CHRNE: variants seen among roughly 807,000 people sequenced by gnomAD.
The protein encoded by CHRNE is cholinergic receptor nicotinic epsilon subunit.
A neutral mutation model predicts 56.5 loss-of-function variants in CHRNE; 58 were observed. The ratio of observed to expected loss-of-function variants is 1.03; its 90% CI spans 0.83 to 1.28. The LOEUF is 1.28. Ranked by LOEUF, CHRNE falls within the 50% of genes most tolerant of loss-of-function variation. The pLI is 0.00. For synonymous variants in CHRNE, 385 were observed against 297.9 expected (o/e 1.29, Z -3.01); for missense variants, 793 against 688.9 (o/e 1.15, Z -1.69).
At chr17:4,903,870 T>TAAA (rs1567640884), upstream of CHRNE, among the ~76,000 whole-genome samples, 4 of 151,596 alleles carry the variant, frequency 2.6e-5, no homozygotes, top group African/African-American at 9.7e-5. Context: ...TAAAAAAAAT[T>TAAA]TTTTTGAGAC....
chr17:4,908,432 C>T (rs1047526527), intron 1 of CHRNE, among the ~76,000 whole-genome samples: 7 of 152,166 alleles, frequency 4.6e-5, no homozygotes, highest in African/African-American at 1.7e-4. Context: ...CTTCCCACAT[C>T]ACAGCAGTGC....
In CHRNE at chr17:4,902,527, G is replaced by A; in HGVS notation, c.190-33C>T. On this transcript the variant is annotated intron_variant, in intron 2 of 11. Coordinates refer to ENST00000649488, the MANE Select transcript of CHRNE (RefSeq NM_000080.4). The surrounding 1 kb of genome is among the most constrained non-coding windows in gnomAD (Gnocchi z 4.0). ...TGGGAGATGGGGATGATTGAAGTGA[G>A]ATTTCAGGGCCAGAAGTGAGCTTTA... 6.2e-7 allele frequency: 1 copy of A among 1,614,196 alleles called. No individual in the cohort carries two copies. The highest frequency in any genetic ancestry group is 8.5e-7 in the Non-Finnish European group (1 of 1,180,036).
upstream of CHRNE, among the ~76,000 whole-genome samples, chr17:4,906,258 G>A (rs556424784): frequency 4.9e-4 from 74 of 152,230 alleles, no homozygotes; most frequent in South Asian, 4.6e-3. Context: ...GATAGTGGGT[G>A]TGGCAGGCCC....
chr17:4,899,887 G>A (rs766311064), intron 8 of CHRNE: 43 of 1,548,394 alleles, frequency 2.8e-5, no homozygotes, highest in East Asian at 2.7e-4. Flanking sequence ...TCTCCTGTTC[G>A]CCCCTGTGAC....
In CHRNE at chr17:4,902,065, C is replaced by G. The variant is rs1488395588; in HGVS notation, c.367G>C (p.Ala123Pro). Residue 123 changes from alanine (A) to proline (P), a missense_variant, in exon 5 of 12, where the codon GCC becomes CCC. By Grantham distance (27) the Ala-to-Pro change is conservative. Transcript: ENST00000649488. The surrounding 1 kb of genome is among the most constrained non-coding windows in gnomAD (Gnocchi z 4.0). ...TAGACGAGCACGTTGGCGTCGTAGG[C>G]CACTCCGAACTGGCCATCAATACTG... is the stretch of plus-strand genomic sequence containing the variant. ...ENNIDGQFGV[A>P]YDANVLVYEG... 1 of 1,614,080 alleles carries G rather than the reference C, an allele frequency of 6.2e-7. No individual in the cohort carries two copies. The highest frequency in any genetic ancestry group is 8.5e-7 in the Non-Finnish European group (1 of 1,180,038).
Position 4,898,660 on chromosome 17 carries a change from G to A in CHRNE, c.*76C>T. On this transcript the variant is annotated 3_prime_UTR_variant, in exon 12 of 12. Coordinates refer to ENST00000649488, the MANE Select transcript of CHRNE (RefSeq NM_000080.4). ...ATCAGCAGGGGGAAGGGATCATAAT[G>A]CCGTGGTGGCGGCAGCCTACTTTTT... 1 of 1,527,878 alleles carries A rather than the reference G, an allele frequency of 6.5e-7. No individual in the cohort carries two copies. The allele number at this position is 1,527,878 out of a possible 1,614,324, so 94.6% of individuals were successfully genotyped here. A position where few individuals can be genotyped will look rare whatever the true frequency, so the allele number is the denominator to read the frequency against.
At chr17:4,901,872 CCGCCCCATAAGG>C in intron 5 of CHRNE, 48 bp downstream of exon 5, 1 of 1,424,862 alleles carries the variant, frequency 7.0e-7, no homozygotes, top group Non-Finnish European at 9.9e-7. Context: ...CCGGTTGGCC[CCGCCCCATAAGG>C]CCCCCCCCCA....
upstream of CHRNE, among the ~76,000 whole-genome samples, chr17:4,904,275 C>A (rs574429078): frequency 6.6e-6 from 1 of 151,802 alleles, no homozygotes; most frequent in Non-Finnish European, 1.5e-5. Context: ...TAGTTCACTG[C>A]GGCTCTCAAA....
upstream of CHRNE, among the ~76,000 whole-genome samples, chr17:4,907,781 C>T (rs1003922230): frequency 6.6e-6 from 1 of 152,132 alleles, no homozygotes; most frequent in African/African-American, 2.4e-5. Flanking sequence ...GTGGCTCGTG[C>T]CTGTAATCCC....
chr17:4,901,977 A>T lies in CHRNE; in HGVS notation c.455T>A (p.Val152Asp), dbSNP rs142901746. 3.0e-5 allele frequency: 48 copies of T among 1,610,772 alleles called. No homozygotes were observed. The African/African-American group carries it at 5.4e-4, about 18-fold the overall frequency. Residue 152 changes from valine to aspartate, a missense_variant, in exon 5 of 12, where the codon GTC becomes GAC. Transcript: ENST00000649488. ...CTGCCAATCGAAGGGGAAGTAGGTG[A>T]CCTCCACTGCGCAGACGCTGCGGTA... ...AIYRSVCAVE[V>D]TYFPFDWQNC...
In CHRNE at chr17:4,902,140, T is replaced by TA; in HGVS notation, c.345-54dup. 1.9e-6 allele frequency: 3 copies of TA among 1,612,800 alleles called. No individual in the cohort carries two copies. The highest frequency in any genetic ancestry group is 2.5e-6 in the Non-Finnish European group (3 of 1,179,546). On this transcript the variant is annotated intron_variant, in intron 4 of 11. Coordinates refer to ENST00000649488, the MANE Select transcript of CHRNE (RefSeq NM_000080.4). The surrounding 1 kb of genome is among the most constrained non-coding windows in gnomAD (Gnocchi z 4.0). ...TGCACAGGTCTGCACCCTCTCAGAG[T>TA]ACCCCCTTCCCCAACCAAGTCCAGC... is the stretch of plus-strand genomic sequence containing the variant.
upstream of CHRNE, among the ~76,000 whole-genome samples, chr17:4,906,638 A>G (rs1312113461): frequency 6.6e-6 from 1 of 152,246 alleles, no homozygotes; most frequent in Non-Finnish European, 1.5e-5. Context: ...GAATTGCTTG[A>G]GCCTGGGAGT....
Position 4,899,109 on chromosome 17 carries a change from T to G in CHRNE, c.1220-2A>C, listed in dbSNP as rs1309292778. On this transcript the variant is annotated splice_acceptor_variant, in intron 10 of 11. Transcript: ENST00000649488. LOFTEE classifies it high-confidence loss of function. ...CGCCCAGGCTCTGGCAGAAGGCAGC[T>G]GGCGGGGAAAACACCGGGGTGGGCC... 1 of 1,607,332 alleles carries G rather than the reference T, an allele frequency of 6.2e-7. No homozygotes were observed. The highest frequency in any genetic ancestry group is 1.1e-5 in the South Asian group (1 of 90,356).
At chr17:4,907,590 A>AAAAAAG (rs386627263), upstream of CHRNE, among the ~76,000 whole-genome samples, 1 of 124,918 alleles carries the variant, frequency 8.0e-6, no homozygotes, top group Non-Finnish European at 1.7e-5. Context: ...AAAAAAAAAA[A>AAAAAAG]CACTCTCAGC....
chr17:4,899,423 G>T, intron 9 of CHRNE, 39 bp from the exon 10 acceptor site: 1 of 1,547,028 alleles, frequency 6.5e-7, no homozygotes, highest in Non-Finnish European at 8.7e-7. Flanking sequence ...AGGTTAGTAC[G>T]AAGCCCCACC....
chr17:4,901,879 AT>A, intron 5 of CHRNE, 52 bp downstream of exon 5: 210 of 804,790 alleles, frequency 2.6e-4, no homozygotes, highest in Non-Finnish European at 3.8e-4. Context: ...GCCCCGCCCC[AT>A]AAGGCCCCCC....
upstream of CHRNE, chr17:4,903,110 A>G (rs751857141): frequency 6.2e-7 from 1 of 1,606,078 alleles, no homozygotes; most frequent in Non-Finnish European, 8.5e-7. Context: ...GCAGGCTTGG[A>G]GGGGGCATGC....
chr17:4,901,338 T>G, intron 6 of CHRNE, 148 bp from the exon 7 acceptor site: 1 of 997,444 alleles, frequency 1.0e-6, no homozygotes. Context: ...GCATTCTCGT[T>G]GAGGGTATGG....
chr17:4,901,285 G>C, intron 6 of CHRNE, 95 bp from the exon 7 acceptor site: 1 of 1,401,840 alleles, frequency 7.1e-7, no homozygotes, highest in Non-Finnish European at 9.9e-7. Flanking sequence ...TCTGCACCAG[G>C]GTCATGGGCC....
Sources: gnomAD v4.1 joint callset for allele counts (sites outside exome capture counted in the v4.1 genomes callset) on GRCh38, gnomAD v4.1.1 for gene constraint, Gnocchi (gnomAD v3.1) non-coding constraint, MANE v1.5 for transcripts, NCBI Gene and HGNC (gene_info 2026-07-23, HGNC 2026-07-21) for gene names.